The following PP2D1 variants were observed in gnomAD, a reference collection of about 807,000 sequenced individuals.
PP2D1 encodes protein phosphatase 2C like domain containing 1, also known as protein phosphatase 2C-like domain-containing protein 1.
In PP2D1, 25 loss-of-function variants were observed where a neutral mutation model predicts 30.2. The ratio of observed to expected loss-of-function variants is 0.83; its 90% CI spans 0.60 to 1.16. PP2D1 has a LOEUF of 1.16. Ranked by LOEUF, PP2D1 falls within the 50% of genes most tolerant of loss-of-function variation. PP2D1 has a pLI of 0.00. For synonymous variants in PP2D1, 260 were observed against 258.9 expected, an observed-to-expected ratio of 1.00 and a Z score of -0.04; for missense variants, 760 against 742.4, an observed-to-expected ratio of 1.02 and a Z score of -0.28.
chr3:19,983,078 T>A (rs376646595), downstream of PP2D1, among the ~76,000 whole-genome samples: 1 of 152,160 alleles, frequency 6.6e-6, no homozygotes, highest in East Asian at 1.9e-4. Flanking sequence ...GGCTCACGCC[T>A]ATAATCCCAA....
downstream of PP2D1, among the ~76,000 whole-genome samples, chr3:19,982,011 G>A (rs1336386739): frequency 2.6e-5 from 4 of 151,984 alleles, no homozygotes; most frequent in Admixed American, 2.0e-4. Flanking sequence ...GAGAGGCCAC[G>A]GTGGGATGAT....
chr3:19,986,129 C>CTGGT lies in PP2D1; in HGVS notation c.1143_1144insACCA (p.Glu382ThrfsTer10), dbSNP rs1697030672. On this transcript the variant is annotated frameshift_variant, in exon 3 of 3. Coordinates refer to ENST00000389050, the MANE Select transcript of PP2D1 (RefSeq NM_001252657.2). LOFTEE classifies it low-confidence loss of function (END_TRUNC). ...TCATTTGTGTTTCGTGTAGTATGTT[C>CTGGT]TTTGGTTAGGCAAAAACCTTTCCCA... 6.5e-7 allele frequency: 1 copy of CTGGT among 1,532,074 alleles called. No individual in the cohort carries two copies. The highest frequency in any genetic ancestry group is 8.7e-7 in the Non-Finnish European group (1 of 1,145,750). 94.9% of individuals were successfully genotyped at this position (1,532,074 alleles called of 1,614,324 possible).
rs1160250740 is a variant in PP2D1 at position 19,985,512 on chromosome 3, C to CT, written c.1760dup (p.Ser588GlufsTer4). 5 of 1,536,076 alleles carry CT rather than the reference C, an allele frequency of 3.3e-6. No individual in the cohort carries two copies. In the South Asian group the frequency reaches 5.9e-5, roughly 18 times the overall value. ...ACTCAGCTGCGCCTTCATAGAAACT[C>CT]TTAGTGTCTGATTCTTTTTCATTTG... On this transcript the variant is annotated frameshift_variant, in exon 3 of 3. Coordinates refer to ENST00000389050, the MANE Select transcript of PP2D1 (RefSeq NM_001252657.2). LOFTEE classifies it high-confidence loss of function.
At chr3:20,002,790 T>A (rs1697271845) in intron 1 of PP2D1, among the ~76,000 whole-genome samples, 1 of 151,752 alleles carries the variant, frequency 6.6e-6, no homozygotes, top group African/African-American at 2.4e-5. Flanking sequence ...GCGCGGTGGC[T>A]CACACCTGTA....
Position 19,985,808 on chromosome 3 carries a change from AT to A in PP2D1, c.1464del (p.Lys488AsnfsTer63), listed in dbSNP as rs1697023135. 6.5e-7 allele frequency: 1 copy of A among 1,536,118 alleles called. No homozygotes were observed. On this transcript the variant is annotated frameshift_variant, in exon 3 of 3. Transcript: ENST00000389050. LOFTEE classifies it low-confidence loss of function (END_TRUNC). ...AAAAGCAGAGGCCCTTTGGATGGTG[AT>A]TTGTTAGGTATGATAGGACAGTATG... ...KETYCPIIPN[K>X]SPSKGPLLFS...
At chr3:20,009,234 A>G (rs1697357701) in intron 1 of PP2D1, among the ~76,000 whole-genome samples, 1 of 152,090 alleles carries the variant, frequency 6.6e-6, no homozygotes. Flanking sequence ...GGCTGAGGTA[A>G]GAGGGCTGCT....
intron 2 of PP2D1, among the ~76,000 whole-genome samples, chr3:19,989,704 T>TTA (rs1331356779): frequency 6.6e-6 from 1 of 152,212 alleles, no homozygotes; most frequent in African/African-American, 2.4e-5. Context: ...TCAGTACCTC[T>TTA]TAAATGAGAA....
intron 2 of PP2D1, among the ~76,000 whole-genome samples, chr3:19,994,001 G>T (rs1407524009): frequency 2.0e-5 from 3 of 151,686 alleles, no homozygotes; most frequent in African/African-American, 7.3e-5. Context: ...CAAAGTTCTG[G>T]GATTACAGGA....
chr3:20,003,382 T>G (rs1307358144), intron 1 of PP2D1, among the ~76,000 whole-genome samples: 1 of 151,580 alleles, frequency 6.6e-6, no homozygotes, highest in East Asian at 1.9e-4. Flanking sequence ...TATTTTAGTT[T>G]TGTTTTTTTT....
At chr3:19,982,115 GTA>G, downstream of PP2D1, among the ~76,000 whole-genome samples, 1 of 151,804 alleles carries the variant, frequency 6.6e-6, no homozygotes, top group South Asian at 2.1e-4. Flanking sequence ...TGCACACCCT[GTA>G]GTCTCAGCTA....
At chr3:19,985,246 T>G, downstream of PP2D1, 2 of 664,204 alleles carry the variant, frequency 3.0e-6, no homozygotes, top group South Asian at 4.1e-5. Context: ...CTATATGACC[T>G]AGTATCCGCT....
chr3:19,985,182 G>T (rs1250532022), downstream of PP2D1: 4 of 514,122 alleles, frequency 7.8e-6, no homozygotes, highest in East Asian at 9.7e-5. Context: ...GCAAGTATCG[G>T]CTTTTCTCTT....
intron 2 of PP2D1, among the ~76,000 whole-genome samples, chr3:19,995,439 C>T (rs2125141318): frequency 1.4e-5 from 1 of 70,110 alleles, no homozygotes; most frequent in South Asian, 3.8e-4. Flanking sequence ...AGCTGGAAGA[C>T]CCAAGGAAGG....
chr3:19,988,349 C>T (rs561442677), intron 2 of PP2D1, among the ~76,000 whole-genome samples: 97 of 152,260 alleles, frequency 6.4e-4, no homozygotes, highest in African/African-American at 2.2e-3. Context: ...GTCTCTTGTA[C>T]GGTTGCACAT....
intron 2 of PP2D1, among the ~76,000 whole-genome samples, chr3:20,000,246 A>G (rs957845559): frequency 6.6e-6 from 1 of 152,222 alleles, no homozygotes; most frequent in Non-Finnish European, 1.5e-5. Context: ...GGTTAACAAT[A>G]CTTAGATATC....
intron 2 of PP2D1, among the ~76,000 whole-genome samples, chr3:19,989,286 C>T (rs762350292): frequency 1.3e-5 from 2 of 152,100 alleles, no homozygotes; most frequent in African/African-American, 2.4e-5. Context: ...GAGTCGAGAT[C>T]GCATCACTGC....
At chr3:19,985,262 ATTTTC>A, downstream of PP2D1, 2 of 735,006 alleles carry the variant, frequency 2.7e-6, no homozygotes, top group Non-Finnish European at 4.3e-6. Context: ...CCGCTTTTAT[ATTTTC>A]TTTACTATGT....
rs1051978441 is a variant in PP2D1, at chr3:19,990,342, C to T, written c.1091-4160G>A. The stretch of plus-strand genomic sequence containing the variant: ...GCATTTTTTTGTAGAGACAGGCTTT[C>T]GCTATGTTGCCCGGGCTGGTCTCAA... On this transcript the variant is annotated intron_variant, in intron 2 of 2. Coordinates refer to ENST00000389050, the MANE Select transcript of PP2D1 (RefSeq NM_001252657.2). Among the ~76,000 whole-genome samples the T allele has an allele frequency of 3.3e-5, 5 of 152,128 alleles. No homozygotes were observed. In the East Asian group the frequency reaches 5.8e-4, roughly 18 times the overall value.
At chr3:19,997,924 A>G (rs1697202906) in intron 2 of PP2D1, among the ~76,000 whole-genome samples, 1 of 152,126 alleles carries the variant, frequency 6.6e-6, no homozygotes, top group African/African-American at 2.4e-5. Context: ...GTCCAGGCAC[A>G]GTGGCTCACC....
Sources: gnomAD v4.1 joint callset for allele counts (sites outside exome capture counted in the v4.1 genomes callset) on GRCh38, gnomAD v4.1.1 for gene constraint, MANE v1.5 for transcripts, NCBI Gene and HGNC (gene_info 2026-07-23, HGNC 2026-07-21) for gene names.